The following ZFAT variants were observed in gnomAD, a reference collection of about 807,000 sequenced individuals.
ZFAT encodes the protein zinc finger and AT-hook domain containing.
In ZFAT, 64 loss-of-function variants were observed where a neutral mutation model predicts 117.7. The observed-to-expected ratio is 0.54, with a 90% CI of 0.44 to 0.67. ZFAT has a LOEUF of 0.67. Among genes scored for constraint, ZFAT ranks in the 30% least tolerant of loss-of-function variants. The probability of loss-of-function intolerance (pLI) is 0.00; values close to 1 mark genes in which losing one functional copy is unlikely to be tolerated. For missense variants in ZFAT, 1,433 were observed against 1,584.5 expected (o/e 0.90, Z 1.62); for synonymous variants, 679 against 615.0 (o/e 1.10, Z -1.54).
At chr8:134,672,900 G>T (rs1293625659) in intron 1 of ZFAT, among the ~76,000 whole-genome samples, 1 of 152,074 alleles carries the variant, frequency 6.6e-6, no homozygotes, top group Admixed American at 6.6e-5. Flanking sequence ...TAAACAGGAA[G>T]AAAATATAAA....
At chr8:134,535,648 T>C (rs937523350) in intron 11 of ZFAT, among the ~76,000 whole-genome samples, 14 of 151,858 alleles carry the variant, frequency 9.2e-5, no homozygotes, top group African/African-American at 3.1e-4. Flanking sequence ...CTACATTAAG[T>C]CCCTGGGTAA....
the ZFAT span, among the ~76,000 whole-genome samples, chr8:134,830,033 T>G: frequency 6.6e-6 from 1 of 152,210 alleles, no homozygotes; most frequent in African/African-American, 2.4e-5. Flanking sequence ...CTTTCCCATG[T>G]GTTTTTACCA....
chr8:134,788,047 A>G, the ZFAT span, among the ~76,000 whole-genome samples: 30 of 152,116 alleles, frequency 2.0e-4, no homozygotes, highest in African/African-American at 7.2e-4. Context: ...TTTTTACTTC[A>G]GGCCTTACGT....
intron 3 of ZFAT, among the ~76,000 whole-genome samples, chr8:134,630,026 G>A (rs1829778548): frequency 6.6e-6 from 1 of 152,128 alleles, no homozygotes; most frequent in South Asian, 2.1e-4. Context: ...CGACAAGAAA[G>A]CAAACACAGG....
intron 7 of ZFAT, among the ~76,000 whole-genome samples, chr8:134,597,206 T>G (rs2130905129): frequency 6.6e-6 from 1 of 152,096 alleles, no homozygotes; most frequent in South Asian, 2.1e-4. Flanking sequence ...TTTTTTGTAC[T>G]GCGTCAACAT....
At chr8:134,500,685 T>G (rs375215109) in intron 15 of ZFAT, among the ~76,000 whole-genome samples, 5 of 151,960 alleles carry the variant, frequency 3.3e-5, no homozygotes, top group African/African-American at 4.8e-5. Context: ...AAGTTTTAGT[T>G]AAGACAAAGA....
chr8:134,558,514 C>T (rs182585379), intron 11 of ZFAT, among the ~76,000 whole-genome samples: 3 of 152,168 alleles, frequency 2.0e-5, no homozygotes, highest in Middle Eastern at 3.4e-3. Flanking sequence ...CCAACAATTC[C>T]GAACAACAAG....
intron 13 of ZFAT, among the ~76,000 whole-genome samples, chr8:134,519,936 A>G (rs1043553877): frequency 1.3e-5 from 2 of 152,216 alleles, no homozygotes; most frequent in Non-Finnish European, 2.9e-5. Flanking sequence ...TGACTGTTTC[A>G]TATTATAATG....
At chr8:134,608,606 A>C (rs535892319) in intron 5 of ZFAT, 123 bp downstream of exon 5, 4 of 1,208,046 alleles carry the variant, frequency 3.3e-6, no homozygotes, top group Non-Finnish European at 4.6e-6. Flanking sequence ...AGGAGTCAGT[A>C]TCTCTTATAA....
chr8:134,510,447 C>T (rs1286962724), intron 14 of ZFAT, among the ~76,000 whole-genome samples: 1 of 152,156 alleles, frequency 6.6e-6, no homozygotes, highest in Non-Finnish European at 1.5e-5. Flanking sequence ...GCAGTCTCTG[C>T]CAACATTTTC....
chr8:134,559,418 T>C (rs1383336060), intron 11 of ZFAT, among the ~76,000 whole-genome samples: 4 of 152,240 alleles, frequency 2.6e-5, no homozygotes, highest in African/African-American at 9.6e-5. Flanking sequence ...CAAAGCATCA[T>C]TCTGTTGTTT....
At chr8:134,717,647 T>A (rs2131380063), upstream of ZFAT, among the ~76,000 whole-genome samples, 1 of 150,584 alleles carries the variant, frequency 6.6e-6, no homozygotes, top group East Asian at 1.9e-4. Flanking sequence ...CACACCCGGC[T>A]AATTTTTTTT....
At chr8:134,531,477 G>T (rs1821399943) in intron 12 of ZFAT, among the ~76,000 whole-genome samples, 1 of 152,186 alleles carries the variant, frequency 6.6e-6, no homozygotes, top group Non-Finnish European at 1.5e-5. Context: ...ACAAAAGCAA[G>T]GACTGAACAT....
intron 15 of ZFAT, among the ~76,000 whole-genome samples, chr8:134,500,720 A>G (rs1276339722): frequency 1.3e-5 from 2 of 152,318 alleles, no homozygotes; most frequent in Non-Finnish European, 2.9e-5. Context: ...AAACAACCAC[A>G]GGAGAACTAG....
At chr8:134,496,731 T>A (rs1818466916) in intron 15 of ZFAT, among the ~76,000 whole-genome samples, 2 of 152,182 alleles carry the variant, frequency 1.3e-5, no homozygotes, top group African/African-American at 4.8e-5. Context: ...GCCATGTGTA[T>A]AACCAACCAC....
chr8:134,489,446 T>A (rs1817897956), intron 15 of ZFAT, among the ~76,000 whole-genome samples: 1 of 152,108 alleles, frequency 6.6e-6, no homozygotes, highest in Non-Finnish European at 1.5e-5. Flanking sequence ...CACAGCTCAG[T>A]CTGCACCTTG....
chr8:134,744,727 C>CT, the ZFAT span, among the ~76,000 whole-genome samples: 11,395 of 103,450 alleles, frequency 0.11, 1,229 homozygotes, highest in South Asian at 0.19. Context: ...GCCTACTCTC[C>CT]TTTTTTTTTT....
At chr8:134,570,298 C>T (rs1455179624) in intron 10 of ZFAT, among the ~76,000 whole-genome samples, 1 of 152,096 alleles carries the variant, frequency 6.6e-6, no homozygotes, top group African/African-American at 2.4e-5. Context: ...CATTTCTCAG[C>T]CTATATTTTC....
At chr8:134,805,787 C>A in the ZFAT span, among the ~76,000 whole-genome samples, 4 of 151,914 alleles carry the variant, frequency 2.6e-5, no homozygotes, top group Admixed American at 1.3e-4. Flanking sequence ...TCAAGACCAG[C>A]CTTGGGCTAA....
Sources: allele counts gnomAD v4.1 joint callset (sites outside exome capture counted in the v4.1 genomes callset), GRCh38; gene constraint gnomAD v4.1.1; transcripts MANE v1.5; gene names NCBI Gene and HGNC (gene_info 2026-07-23, HGNC 2026-07-21).